RAP1GAP2: variants seen among roughly 807,000 people sequenced by gnomAD.
The protein encoded by RAP1GAP2 is RAP1 GTPase activating protein 2.
Under a neutral mutation model 95.0 loss-of-function variants are expected in RAP1GAP2, and 27 were observed. The ratio of observed to expected loss-of-function variants is 0.28; its 90% CI spans 0.21 to 0.39. The LOEUF (loss-of-function observed/expected upper bound fraction) is 0.39. Ranked by LOEUF, RAP1GAP2 falls within the 10% of genes least tolerant of loss-of-function variation. The pLI, the probability that RAP1GAP2 is intolerant of heterozygous loss-of-function variation, is 1.00. For missense variants in RAP1GAP2, 771 were observed against 970.0 expected, an observed-to-expected ratio of 0.79 and a Z score of 2.72; for synonymous variants, 373 against 380.9, an observed-to-expected ratio of 0.98 and a Z score of 0.24.
intron 3 of RAP1GAP2, among the ~76,000 whole-genome samples, chr17:2,938,105 C>G (rs868487832): frequency 3.9e-5 from 6 of 152,186 alleles, no homozygotes; most frequent in South Asian, 2.1e-4. Context: ...TCCCCATTGA[C>G]AGAGGACATT....
At chr17:3,021,671 G>A (rs372507427) in intron 19 of RAP1GAP2, among the ~76,000 whole-genome samples, 1 of 152,166 alleles carries the variant, frequency 6.6e-6, no homozygotes, top group African/African-American at 2.4e-5. Context: ...CTGACCTCAA[G>A]TGATCCACCC....
intron 2 of RAP1GAP2, among the ~76,000 whole-genome samples, chr17:2,893,769 A>C (rs371336462): frequency 2.9e-4 from 44 of 152,344 alleles, no homozygotes; most frequent in East Asian, 2.1e-3. Context: ...CGGGAGGGGA[A>C]CTGCTCTGTC....
At position 2,957,782 on chromosome 17, in the gene RAP1GAP2, G is replaced by A. The variant is rs1011447677; in HGVS notation, c.189G>A (p.Leu63=). Residue 63 remains leucine (L), a synonymous_variant, in exon 4 of 25, where the codon CTG becomes CTA. Coordinates refer to ENST00000254695, the MANE Select transcript of RAP1GAP2 (RefSeq NM_015085.5). ...TMKSSEFFEM[L]EKMQGIKLEE... is the part of the protein sequence containing the mutation. ...AGTCGTCGGAGTTCTTTGAGATGCT[G>A]GAGAAAATGCAGGTGAGTACGTACC... 3 of 1,607,302 alleles carry A rather than the reference G, an allele frequency of 1.9e-6. No individual in the cohort carries two copies. Among genetic ancestry groups the A allele is most frequent in the Non-Finnish European group, 2.5e-6 (3 of 1,176,766 alleles).
intron 3 of RAP1GAP2, among the ~76,000 whole-genome samples, chr17:2,929,530 G>C (rs1240494939): frequency 6.6e-6 from 1 of 152,192 alleles, no homozygotes; most frequent in Non-Finnish European, 1.5e-5. Flanking sequence ...TTGGTGAGCT[G>C]GTTCCTGGTA....
intron 2 of RAP1GAP2, among the ~76,000 whole-genome samples, chr17:2,882,769 G>A (rs2073356288): frequency 6.6e-6 from 1 of 152,172 alleles, no homozygotes; most frequent in African/African-American, 2.4e-5. Context: ...GCTTCGGGGT[G>A]GAGTGATGGA....
chr17:2,912,570 C>G (rs34017438), intron 3 of RAP1GAP2, among the ~76,000 whole-genome samples: 16,514 of 152,074 alleles, frequency 0.11, 1,136 homozygotes, highest in African/African-American at 0.2. Flanking sequence ...TTTGGTTTTT[C>G]CCTCTTCAAG....
chr17:2,873,306 A>C (rs1234053628), intron 2 of RAP1GAP2, among the ~76,000 whole-genome samples: 1 of 13,582 alleles, frequency 7.4e-5, no homozygotes, highest in East Asian at 9.4e-3. Context: ...CCAAAAATAC[A>C]AAAAAAAAAA....
In RAP1GAP2 at chr17:2,886,159, G is replaced by GTATA. The variant is rs1183105503; in HGVS notation, c.81-19124_81-19123insATAT. On this transcript the variant is annotated intron_variant, in intron 2 of 24. Transcript: ENST00000254695. ...TATGTGTGTGTGTGTGTGTGTGTGT[G>GTATA]TGTATATATATATTTTTTTTTTTTT... is the stretch of plus-strand genomic sequence containing the variant. Among the ~76,000 whole-genome samples the GTATA allele has an allele frequency of 3.3e-5, 4 of 119,694 alleles. No homozygotes were observed. The East Asian group carries it at 8.2e-4, about 24-fold the overall frequency. 78.5% of individuals were successfully genotyped at this position (119,694 alleles called of 152,430 possible).
In RAP1GAP2 at chr17:3,036,513, G is replaced by A. The variant is rs928742676; in HGVS notation, c.*3152G>A. The A allele has an allele frequency of 1.4e-4, 21 of 152,392 alleles. No homozygotes were observed. Among genetic ancestry groups the A allele is most frequent in the Admixed American group, 9.1e-4 (14 of 15,302 alleles). 9.4% of individuals were successfully genotyped at this position (152,392 alleles called of 1,614,324 possible). ...TGCAGTTTCTGCTCTTTTTCATCAG[G>A]GGGGATAGTCTCTAGGATTTTTCAG... On this transcript the variant is annotated 3_prime_UTR_variant, in exon 25 of 25. Coordinates refer to ENST00000254695, the MANE Select transcript of RAP1GAP2 (RefSeq NM_015085.5).
chr17:2,882,293 A>ATT (rs752552125), intron 2 of RAP1GAP2, among the ~76,000 whole-genome samples: 25 of 129,668 alleles, frequency 1.9e-4, no homozygotes, highest in South Asian at 2.5e-4. Flanking sequence ...CGCCCAGCTA[A>ATT]TTTTTTTTTT....
intron 2 of RAP1GAP2, among the ~76,000 whole-genome samples, chr17:2,846,581 T>C (rs2071599319): frequency 6.6e-6 from 1 of 152,040 alleles, no homozygotes; most frequent in Non-Finnish European, 1.5e-5. Context: ...TGGCCAACTT[T>C]GGCTATTTTG....
rs1222192261 is a variant in RAP1GAP2 at position 2,965,610 on chromosome 17, C to T, written c.563C>T (p.Ala188Val). 6.2e-7 allele frequency: 1 copy of T among 1,612,088 alleles called. No individual in the cohort carries two copies. The highest frequency in any genetic ancestry group is 1.3e-5 in the African/African-American group (1 of 74,978). Residue 188 changes from alanine (A) to valine (V), a missense_variant, in exon 8 of 25, where the codon GCA becomes GTA. Physicochemically the swap from Ala to Val is moderately conservative, Grantham distance 64. Transcript: ENST00000254695. The surrounding 1 kb of genome is among the most constrained non-coding windows in gnomAD (Gnocchi z 4.7). ...NLILSVKCEE[A>V]EGIEYLRVIL... Reference sequence around the variant, plus strand: ...ATCCTGTCCGTCAAGTGCGAGGAAGCAGAGGGGATCGAGTACCTCCGGGTC... The same window carrying T: ...ATCCTGTCCGTCAAGTGCGAGGAAGTAGAGGGGATCGAGTACCTCCGGGTC...
chr17:2,814,093 G>A (rs113612967), intron 2 of RAP1GAP2, among the ~76,000 whole-genome samples: 2,472 of 152,264 alleles, frequency 0.016, 38 homozygotes, highest in Non-Finnish European at 0.021. Context: ...CACCTTGACA[G>A]CATTCTCAAA....
At chr17:2,961,217 C>CA (rs113625406) in intron 4 of RAP1GAP2, among the ~76,000 whole-genome samples, 123 of 117,010 alleles carry the variant, frequency 1.1e-3, no homozygotes, top group South Asian at 4.3e-3. Flanking sequence ...AACTCCATCT[C>CA]AAAAAAAAAA....
In RAP1GAP2 at chr17:2,827,052, AAGAG is replaced by A. The variant is rs2070600305; in HGVS notation, c.80+26504_80+26507del. ...AAAGAAAGAGAGAGAGAAAGAAAGAAAGAGAAAGTCCCATGGAAATGGGGGTTTC... is the reference window on the plus strand; with the variant it reads ...AAAGAAAGAGAGAGAGAAAGAAAGAAAAAGTCCCATGGAAATGGGGGTTTC... On this transcript the variant is annotated intron_variant, in intron 2 of 24. Transcript: ENST00000254695. The surrounding 1 kb of genome is among the most constrained non-coding windows in gnomAD (Gnocchi z 4.1). Among the ~76,000 whole-genome samples the A allele has an allele frequency of 6.6e-6, 1 of 151,506 alleles. No individual in the cohort carries two copies. The highest frequency in any genetic ancestry group is 2.4e-5 in the African/African-American group (1 of 40,840).
chr17:2,926,050 G>A (rs1000418078), intron 3 of RAP1GAP2, among the ~76,000 whole-genome samples: 3 of 148,460 alleles, frequency 2.0e-5, no homozygotes, highest in Non-Finnish European at 4.4e-5. Context: ...TGAGGCAGGA[G>A]AATAGCTTGA....
intron 3 of RAP1GAP2, among the ~76,000 whole-genome samples, chr17:2,916,455 C>T (rs1042046173): frequency 4.6e-5 from 7 of 152,212 alleles, no homozygotes; most frequent in Admixed American, 1.3e-4. Flanking sequence ...GAAATTGTCA[C>T]AAGAGGTTAT....
chr17:2,856,910 A>G (rs1184147293), intron 2 of RAP1GAP2, among the ~76,000 whole-genome samples: 4 of 152,106 alleles, frequency 2.6e-5, no homozygotes, highest in Non-Finnish European at 4.4e-5. Flanking sequence ...GTGCTAAGTG[A>G]CCTTTGCTTC....
intron 1 of RAP1GAP2, among the ~76,000 whole-genome samples, chr17:2,785,899 CTTTTTTTT>C (rs386385450): frequency 8.3e-6 from 1 of 119,952 alleles, no homozygotes; most frequent in Admixed American, 9.2e-5. Flanking sequence ...AAAAGTATGA[CTTTTTTTT>C]TTTTTTTTTT....
Sources: gnomAD v4.1 joint callset for allele counts (sites outside exome capture counted in the v4.1 genomes callset) on GRCh38, gnomAD v4.1.1 for gene constraint, Gnocchi (gnomAD v3.1) non-coding constraint, MANE v1.5 for transcripts, NCBI Gene and HGNC (gene_info 2026-07-23, HGNC 2026-07-21) for gene names.